Variants in SCAI observed in about 807,000 individuals in gnomAD.
SCAI encodes the protein protein SCAI.
In SCAI, 24 loss-of-function variants were observed where a neutral mutation model predicts 92.2. The observed-to-expected ratio is 0.26, with a 90% CI of 0.19 to 0.37. The LOEUF is 0.37. SCAI is among the 10% of genes least tolerant of loss of function. SCAI has a pLI of 1.00. For missense variants in SCAI, 450 were observed against 736.2 expected (o/e 0.61, Z 4.50); for synonymous variants, 261 against 258.6 (o/e 1.01, Z -0.09).
chr9:125,001,375 G>A (rs1295404339), intron 12 of SCAI, among the ~76,000 whole-genome samples: 1 of 152,140 alleles, frequency 6.6e-6, no homozygotes, highest in Non-Finnish European at 1.5e-5. Context: ...TATCTATTCT[G>A]ACCAATTTCT....
At chr9:125,100,642 A>G (rs1368515996) in intron 2 of SCAI, among the ~76,000 whole-genome samples, 3 of 152,208 alleles carry the variant, frequency 2.0e-5, no homozygotes, top group African/African-American at 4.8e-5. Context: ...TACCTCTAGT[A>G]GGGGGAGACA....
intron 17 of SCAI, 170 bp downstream of exon 17, chr9:124,971,200 A>T (rs573223326): frequency 1.9e-5 from 8 of 422,536 alleles, no homozygotes; most frequent in Non-Finnish European, 2.1e-5. Flanking sequence ...ATTCAAATGT[A>T]TTTTTTTACT....
chr9:124,997,098 A>G (rs1002425327), intron 13 of SCAI, among the ~76,000 whole-genome samples: 2 of 152,268 alleles, frequency 1.3e-5, no homozygotes, highest in African/African-American at 2.4e-5. Flanking sequence ...GATTCCACAT[A>G]TAAGTGATCA....
At chr9:124,963,852 G>C (rs1437130412) in intron 17 of SCAI, among the ~76,000 whole-genome samples, 1 of 151,198 alleles carries the variant, frequency 6.6e-6, no homozygotes, top group Non-Finnish European at 1.5e-5. Flanking sequence ...TATCATAAAG[G>C]TCTTCATCCT....
intron 2 of SCAI, among the ~76,000 whole-genome samples, chr9:125,092,676 C>G (rs1288865464): frequency 6.6e-6 from 1 of 152,242 alleles, no homozygotes; most frequent in Admixed American, 6.5e-5. Context: ...ATCAACTGTT[C>G]TCTTCTTGCA....
Position 125,029,744 on chromosome 9 carries a change from A to T in SCAI, c.231-5T>A. 1 of 1,552,854 alleles carries T rather than the reference A, an allele frequency of 6.4e-7. No homozygotes were observed. Among genetic ancestry groups the T allele is most frequent in the Non-Finnish European group, 8.9e-7 (1 of 1,127,734 alleles). On this transcript the variant is annotated splice_polypyrimidine_tract_variant and splice_region_variant and intron_variant, in intron 3 of 17. Transcript: ENST00000336505. Reference sequence around the variant, plus strand: ...TGTCCATATTGTGGCAAATCTCTGTAATAGTAAATGAGTATGTATTAATAT... The same window carrying T: ...TGTCCATATTGTGGCAAATCTCTGTTATAGTAAATGAGTATGTATTAATAT...
Position 124,950,573 on chromosome 9 carries a change from A to G in SCAI, c.*2234T>C, listed in dbSNP as rs1040867555. ...GAGGTCAGAAAACCGAAGATAGTCTATTGCTGTAGTTCAATGAACACTGTT... is the reference window on the plus strand; with the variant it reads ...GAGGTCAGAAAACCGAAGATAGTCTGTTGCTGTAGTTCAATGAACACTGTT... On this transcript the variant is annotated 3_prime_UTR_variant, in exon 18 of 18. Transcript: ENST00000336505. 3.9e-5 allele frequency: 6 copies of G among 152,266 alleles called. No homozygotes were observed. The highest frequency in any genetic ancestry group is 1.4e-4 in the African/African-American group (6 of 41,540). 9.4% of individuals were successfully genotyped at this position (152,266 alleles called of 1,614,324 possible).
rs141625293 is a variant in SCAI at position 125,115,001 on chromosome 9, G to C, written c.98+27632C>G. Among the ~76,000 whole-genome samples, 723 of 152,070 alleles carry C rather than the reference G, an allele frequency of 4.8e-3. 6 individuals are homozygous for C. The highest frequency in any genetic ancestry group is 0.016 in the African/African-American group (679 of 41,500). ...ATGGCCAGGCTGGTCTCGAACTCCTGACCTCAGGTGATCTGTCCACCTCAG... is the reference window on the plus strand; with the variant it reads ...ATGGCCAGGCTGGTCTCGAACTCCTCACCTCAGGTGATCTGTCCACCTCAG... On this transcript the variant is annotated intron_variant, in intron 2 of 17. Transcript: ENST00000336505.
At chr9:125,082,205 G>A (rs749274477) in intron 2 of SCAI, among the ~76,000 whole-genome samples, 27 of 152,304 alleles carry the variant, frequency 1.8e-4, no homozygotes, top group Non-Finnish European at 3.4e-4. Context: ...AAAAGGGGCC[G>A]AGGTACAGCT....
intron 2 of SCAI, among the ~76,000 whole-genome samples, chr9:125,130,934 C>T (rs927447003): frequency 4.4e-5 from 5 of 114,382 alleles, no homozygotes; most frequent in Admixed American, 8.8e-5. Context: ...TGGTTTGAAC[C>T]GCTTTTTTTT....
At position 125,043,899 on chromosome 9, in the gene SCAI, AG is replaced by A. The variant is rs541302181; in HGVS notation, c.230+11976del. Among the ~76,000 whole-genome samples, 11 of 152,162 alleles carry A rather than the reference AG, an allele frequency of 7.2e-5. No individual in the cohort carries two copies. The South Asian group carries it at 2.3e-3, about 32-fold the overall frequency. On this transcript the variant is annotated intron_variant, in intron 3 of 17. Coordinates refer to ENST00000336505, the MANE Select transcript of SCAI (RefSeq NM_001144877.3). ...GAAGCCGGGCCACCTACTGAGTTGGAGGGGTGGGAGCCCAGCGCTCCTGGGT... is the reference window on the plus strand; with the variant it reads ...GAAGCCGGGCCACCTACTGAGTTGGAGGGTGGGAGCCCAGCGCTCCTGGGT...
At chr9:125,011,144 A>ACG (rs1289310120) in intron 9 of SCAI, among the ~76,000 whole-genome samples, 5 of 152,268 alleles carry the variant, frequency 3.3e-5, no homozygotes, top group East Asian at 1.9e-4. Context: ...CGCCAAAGGA[A>ACG]TGCAGCTCCT....
intron 2 of SCAI, among the ~76,000 whole-genome samples, chr9:125,084,704 C>G (rs1454727062): frequency 6.6e-6 from 1 of 152,130 alleles, no homozygotes; most frequent in Non-Finnish European, 1.5e-5. Context: ...TGCATTGTGT[C>G]TACAATCATC....
intron 14 of SCAI, among the ~76,000 whole-genome samples, chr9:124,987,805 A>G (rs528182850): frequency 6.6e-6 from 1 of 152,094 alleles, no homozygotes; most frequent in Non-Finnish European, 1.5e-5. Flanking sequence ...CTACTAAAAA[A>G]TACAAAAATT....
intron 2 of SCAI, among the ~76,000 whole-genome samples, chr9:125,131,750 C>G (rs1835404984): frequency 6.6e-6 from 1 of 152,208 alleles, no homozygotes; most frequent in African/African-American, 2.4e-5. Context: ...TTTACCAAAA[C>G]CACTGCATTT....
At chr9:125,045,241 T>C (rs1471083163) in intron 3 of SCAI, among the ~76,000 whole-genome samples, 4 of 152,156 alleles carry the variant, frequency 2.6e-5, no homozygotes, top group Non-Finnish European at 5.9e-5. Flanking sequence ...AATTTTTGTG[T>C]TTTTAGTAGA....
intron 14 of SCAI, among the ~76,000 whole-genome samples, chr9:124,984,661 G>C (rs1014158435): frequency 3.3e-5 from 5 of 152,188 alleles, no homozygotes; most frequent in Admixed American, 1.3e-4. Flanking sequence ...GGGGAAAGCT[G>C]TATATGGAAG....
intron 2 of SCAI, among the ~76,000 whole-genome samples, chr9:125,089,079 C>T (rs1184505932): frequency 6.6e-6 from 1 of 152,190 alleles, no homozygotes; most frequent in Admixed American, 6.5e-5. Flanking sequence ...AAAACATTCC[C>T]AACCCTACAA....
At chr9:125,058,290 G>A (rs1451133386) in intron 2 of SCAI, among the ~76,000 whole-genome samples, 2 of 151,946 alleles carry the variant, frequency 1.3e-5, no homozygotes, top group Non-Finnish European at 2.9e-5. Flanking sequence ...AAGGTGGGTG[G>A]ATCATTTGAG....
Sources: gnomAD v4.1 joint callset for allele counts (sites outside exome capture counted in the v4.1 genomes callset) on GRCh38, gnomAD v4.1.1 for gene constraint, MANE v1.5 for transcripts, NCBI Gene and HGNC (gene_info 2026-07-23, HGNC 2026-07-21) for gene names.